The following ASTN2 variants were observed in gnomAD, a reference collection of about 807,000 sequenced individuals.
ASTN2 encodes the protein astrotactin-2.
Under a neutral mutation model 139.8 loss-of-function variants are expected in ASTN2, and 54 were observed. The observed-to-expected ratio is 0.39, with a 90% CI of 0.31 to 0.48. The LOEUF (loss-of-function observed/expected upper bound fraction) is 0.48. ASTN2 is among the 20% of genes least tolerant of loss of function. The pLI is 0.95. For missense variants in ASTN2, 1,565 were observed against 1,725.1 expected (o/e 0.91, Z 1.64); for synonymous variants, 756 against 719.5 (o/e 1.05, Z -0.81).
intron 13 of ASTN2, among the ~76,000 whole-genome samples, chr9:116,754,421 A>T (rs954580365): frequency 6.6e-6 from 1 of 152,186 alleles, no homozygotes; most frequent in African/African-American, 2.4e-5. Flanking sequence ...ATTTACACTC[A>T]CACCAACAGT....
chr9:117,167,509 C>T (rs2132916069), intron 3 of ASTN2, among the ~76,000 whole-genome samples: 1 of 152,170 alleles, frequency 6.6e-6, no homozygotes, highest in South Asian at 2.1e-4. Context: ...CAGAATACAA[C>T]AAACGCTCAA....
intron 17 of ASTN2, among the ~76,000 whole-genome samples, chr9:116,632,176 G>A (rs71505578): frequency 0.011 from 214 of 19,506 alleles, 4 homozygotes; most frequent in African/African-American, 0.045. Flanking sequence ...GAGAGAGAGA[G>A]AGAGAGAGGG....
At chr9:117,082,090 G>A (rs147481171) in intron 5 of ASTN2, among the ~76,000 whole-genome samples, 1 of 152,162 alleles carries the variant, frequency 6.6e-6, no homozygotes, top group East Asian at 1.9e-4. Flanking sequence ...ACTAATACAC[G>A]ACCACAGAGT....
chr9:116,791,031 G>GAAAGAA (rs1830538418), intron 13 of ASTN2, among the ~76,000 whole-genome samples: 1 of 113,888 alleles, frequency 8.8e-6, no homozygotes, highest in African/African-American at 3.2e-5. Context: ...AAGAAAGAAA[G>GAAAGAA]AAAGAAAGAA....
chr9:116,955,937 T>C (rs1835693135), intron 10 of ASTN2, among the ~76,000 whole-genome samples: 1 of 152,180 alleles, frequency 6.6e-6, no homozygotes, highest in South Asian at 2.1e-4. Context: ...GTCAACATGC[T>C]ATCATGGGGA....
intron 5 of ASTN2, among the ~76,000 whole-genome samples, chr9:117,056,445 G>T (rs1839066944): frequency 6.6e-6 from 1 of 152,170 alleles, no homozygotes; most frequent in African/African-American, 2.4e-5. Context: ...CATAGAACTT[G>T]CAAAAGAGCC....
intron 13 of ASTN2, among the ~76,000 whole-genome samples, chr9:116,747,068 T>C (rs1045534481): frequency 6.6e-6 from 1 of 152,216 alleles, no homozygotes; most frequent in African/African-American, 2.4e-5. Context: ...CTTCCTTCAC[T>C]TCCCTAGATA....
At chr9:117,292,080 A>G (rs1216983713) in intron 1 of ASTN2, among the ~76,000 whole-genome samples, 1 of 152,118 alleles carries the variant, frequency 6.6e-6, no homozygotes, top group African/African-American at 2.4e-5. Flanking sequence ...GAGCAGCTCC[A>G]TTTTTTGTAA....
At chr9:117,021,849 C>A (rs1206626470) in intron 6 of ASTN2, among the ~76,000 whole-genome samples, 2 of 152,094 alleles carry the variant, frequency 1.3e-5, no homozygotes, top group Non-Finnish European at 2.9e-5. Context: ...TAAAACTGCA[C>A]CCGACACATA....
intron 13 of ASTN2, among the ~76,000 whole-genome samples, chr9:116,803,514 ATATATATATTTTTT>A (rs1830942807): frequency 1.3e-4 from 1 of 7,710 alleles, no homozygotes; most frequent in Admixed American, 2.4e-3. Context: ...ATATATATAT[ATATATATATTTTTT>A]TTTTTTTTTT....
At position 116,910,238 on chromosome 9, in the gene ASTN2, T is replaced by C. The variant is rs11788242; in HGVS notation, c.1890-46505A>G. 7.0e-3 allele frequency among the ~76,000 whole-genome samples: 1,072 copies of C among 152,328 alleles called. 8 individuals are homozygous for C. The highest frequency in any genetic ancestry group is 0.012 in the Non-Finnish European group (825 of 68,016). ...TTATTTAGTACAAGAAGAGAAATCA[T>C]GACAAATCGACAGCACTTTAAAGAT... On this transcript the variant is annotated intron_variant, in intron 10 of 22. Transcript: ENST00000313400.
At chr9:117,230,390 T>C (rs1042895857) in intron 2 of ASTN2, among the ~76,000 whole-genome samples, 1 of 152,110 alleles carries the variant, frequency 6.6e-6, no homozygotes, top group African/African-American at 2.4e-5. Flanking sequence ...TCTGTCTCCA[T>C]CTTCAAATCA....
intron 19 of ASTN2, among the ~76,000 whole-genome samples, chr9:116,505,488 T>A (rs1257692744): frequency 6.6e-6 from 1 of 152,118 alleles, no homozygotes; most frequent in South Asian, 2.1e-4. Context: ...AAGAACCACC[T>A]TTGGATTCCA....
chr9:116,902,812 A>G lies in ASTN2; in HGVS notation c.1890-39079T>C, dbSNP rs1343554805. Among the ~76,000 whole-genome samples, 5 of 152,254 alleles carry G rather than the reference A, an allele frequency of 3.3e-5. No homozygotes were observed. In the South Asian group the frequency reaches 1.0e-3, roughly 32 times the overall value. On this transcript the variant is annotated intron_variant, in intron 10 of 22. Transcript: ENST00000313400. The stretch of plus-strand genomic sequence containing the variant: ...AAACTTAGGGTAGATACTGTTCCTT[A>G]TCTGTTTAAAGCCTTCCACTGGCTT...
At chr9:116,447,036 A>G (rs1007714676) in intron 20 of ASTN2, among the ~76,000 whole-genome samples, 1 of 152,146 alleles carries the variant, frequency 6.6e-6, no homozygotes, top group Non-Finnish European at 1.5e-5. Context: ...GCTCTGGTCA[A>G]AGGTCTAGGT....
At chr9:116,445,333 G>A (rs1458487610) in intron 20 of ASTN2, among the ~76,000 whole-genome samples, 1 of 152,176 alleles carries the variant, frequency 6.6e-6, no homozygotes, top group African/African-American at 2.4e-5. Flanking sequence ...GCACTTATTT[G>A]TGCAAGACAA....
intron 16 of ASTN2, among the ~76,000 whole-genome samples, chr9:116,669,932 G>T (rs1011249202): frequency 1.6e-4 from 24 of 151,766 alleles, no homozygotes; most frequent in African/African-American, 5.8e-4. Context: ...AGCCTCCCAC[G>T]TAGCTGGGAT....
intron 19 of ASTN2, among the ~76,000 whole-genome samples, chr9:116,517,505 TG>T (rs572630241): frequency 5.5e-4 from 84 of 152,298 alleles, no homozygotes; most frequent in African/African-American, 2.0e-3. Flanking sequence ...ATCTGAACAG[TG>T]GCCCTTGAAT....
chr9:117,276,179 A>G (rs1398661605), intron 2 of ASTN2, among the ~76,000 whole-genome samples: 2 of 152,222 alleles, frequency 1.3e-5, no homozygotes, highest in Non-Finnish European at 2.9e-5. Context: ...CTTAACATGG[A>G]TGCTTCCATG....
Sources: allele counts gnomAD v4.1 joint callset (sites outside exome capture counted in the v4.1 genomes callset), GRCh38; gene constraint gnomAD v4.1.1; transcripts MANE v1.5; gene names NCBI Gene and HGNC (gene_info 2026-07-23, HGNC 2026-07-21).